The following FBXL17 variants were observed in gnomAD, a reference collection of about 807,000 sequenced individuals.
FBXL17 encodes F-box and leucine rich repeat protein 17, also known as F-box/LRR-repeat protein 17.
FBXL17 carries 22 observed loss-of-function variants against 66.2 expected under a neutral mutation model. The ratio of observed to expected loss-of-function variants is 0.33; its 90% CI spans 0.24 to 0.47. The LOEUF (loss-of-function observed/expected upper bound fraction) is 0.47. Ranked by LOEUF, FBXL17 falls within the 20% of genes least tolerant of loss-of-function variation. The pLI is 1.00. For synonymous variants in FBXL17, 474 were observed against 400.5 expected (o/e 1.18, Z -2.19); for missense variants, 878 against 948.2 (o/e 0.93, Z 0.97).
intron 4 of FBXL17, among the ~76,000 whole-genome samples, chr5:108,266,957 A>G (rs1446838467): frequency 6.6e-6 from 1 of 152,168 alleles, no homozygotes; most frequent in Admixed American, 6.5e-5. Flanking sequence ...ATTTTTAATT[A>G]GTTAGATTTA....
intron 6 of FBXL17, among the ~76,000 whole-genome samples, chr5:108,102,913 A>T (rs1329426649): frequency 6.6e-6 from 1 of 152,208 alleles, no homozygotes; most frequent in East Asian, 1.9e-4. Flanking sequence ...AATAACATTT[A>T]TTATTCTAAA....
chr5:108,146,180 C>T (rs1045161624), intron 6 of FBXL17, among the ~76,000 whole-genome samples: 1 of 150,912 alleles, frequency 6.6e-6, no homozygotes, highest in Non-Finnish European at 1.5e-5. Flanking sequence ...TGCAGTGAGC[C>T]GAGATGGCAC....
chr5:108,346,666 T>A (rs1317025193), intron 4 of FBXL17, among the ~76,000 whole-genome samples: 1 of 152,144 alleles, frequency 6.6e-6, no homozygotes, highest in East Asian at 1.9e-4. Context: ...CCATAAAAAC[T>A]ACTATGTTTT....
chr5:108,345,075 C>T (rs1477363850), intron 4 of FBXL17, among the ~76,000 whole-genome samples: 3 of 152,084 alleles, frequency 2.0e-5, no homozygotes, highest in South Asian at 4.1e-4. Context: ...TGGCTCACAC[C>T]TGTAATCCCA....
chr5:108,108,069 G>C (rs568273994), intron 6 of FBXL17, among the ~76,000 whole-genome samples: 45 of 152,118 alleles, frequency 3.0e-4, no homozygotes, highest in African/African-American at 1.1e-3. Context: ...CTGCTTCAAG[G>C]ACTTTGTACG....
At chr5:108,269,214 A>C (rs1757165868) in intron 4 of FBXL17, among the ~76,000 whole-genome samples, 1 of 152,082 alleles carries the variant, frequency 6.6e-6, no homozygotes, top group African/African-American at 2.4e-5. Flanking sequence ...GGAAGGTAAG[A>C]GTGATCTTCT....
At chr5:107,922,769 C>T (rs1750368041) in intron 7 of FBXL17, among the ~76,000 whole-genome samples, 1 of 152,186 alleles carries the variant, frequency 6.6e-6, no homozygotes, top group African/African-American at 2.4e-5. Flanking sequence ...AGAAACCTAA[C>T]TTTCAATCTC....
intron 7 of FBXL17, among the ~76,000 whole-genome samples, chr5:107,884,903 G>A (rs571279991): frequency 1.3e-5 from 2 of 152,116 alleles, no homozygotes; most frequent in Non-Finnish European, 2.9e-5. Context: ...CAGTTGTGTA[G>A]TTGCTATAAA....
chr5:108,342,165 A>G (rs1161633168), intron 4 of FBXL17, among the ~76,000 whole-genome samples: 1 of 152,188 alleles, frequency 6.6e-6, no homozygotes, highest in Non-Finnish European at 1.5e-5. Context: ...TTATCAGTTC[A>G]TGAATTCATT....
At chr5:108,134,182 T>C (rs552860458) in intron 6 of FBXL17, among the ~76,000 whole-genome samples, 12 of 152,228 alleles carry the variant, frequency 7.9e-5, no homozygotes, top group African/African-American at 2.6e-4. Flanking sequence ...AAGACCACAA[T>C]ATTCCACTAA....
chr5:108,298,489 A>C (rs1312814448), intron 4 of FBXL17: 4 of 976,068 alleles, frequency 4.1e-6, no homozygotes, highest in Non-Finnish European at 4.9e-6. Context: ...TAAAGCCCTA[A>C]GTTTTTCTTT....
At chr5:108,228,000 G>A (rs1755170062) in intron 4 of FBXL17, among the ~76,000 whole-genome samples, 1 of 152,154 alleles carries the variant, frequency 6.6e-6, no homozygotes, top group Non-Finnish European at 1.5e-5. Context: ...GAGAGGAGAA[G>A]AACTCAGATG....
At chr5:107,991,870 T>C (rs1184034930) in intron 7 of FBXL17, among the ~76,000 whole-genome samples, 2 of 152,198 alleles carry the variant, frequency 1.3e-5, no homozygotes, top group Non-Finnish European at 2.9e-5. Context: ...AGGAGTACCC[T>C]ACATAAAACC....
At chr5:108,095,972 T>C (rs1749352234) in intron 6 of FBXL17, among the ~76,000 whole-genome samples, 1 of 152,194 alleles carries the variant, frequency 6.6e-6, no homozygotes, top group Non-Finnish European at 1.5e-5. Context: ...AAGTTTAAAA[T>C]TCTAAGGAGC....
intron 6 of FBXL17, among the ~76,000 whole-genome samples, chr5:108,124,870 G>A (rs1269760660): frequency 6.6e-6 from 1 of 151,966 alleles, no homozygotes; most frequent in African/African-American, 2.4e-5. Context: ...TCTGCTTGCT[G>A]ACATAGTAAA....
chr5:108,258,772 G>A (rs1355586787), intron 4 of FBXL17, among the ~76,000 whole-genome samples: 3 of 140,712 alleles, frequency 2.1e-5, no homozygotes, highest in Non-Finnish European at 4.5e-5. Context: ...AAACACTCTA[G>A]GATCTTACAA....
chr5:108,036,979 A>G (rs1746866631), intron 6 of FBXL17, among the ~76,000 whole-genome samples: 1 of 152,200 alleles, frequency 6.6e-6, no homozygotes, highest in Non-Finnish European at 1.5e-5. Context: ...AAAGGGATAA[A>G]AAGCTTGTGG....
At chr5:108,138,786 A>G (rs1366220139) in intron 6 of FBXL17, among the ~76,000 whole-genome samples, 1 of 152,216 alleles carries the variant, frequency 6.6e-6, no homozygotes, top group Admixed American at 6.5e-5. Flanking sequence ...CCAAAATTGT[A>G]TAAAAAGAAC....
At chr5:108,243,770 A>G (rs922166838) in intron 4 of FBXL17, among the ~76,000 whole-genome samples, 1 of 152,200 alleles carries the variant, frequency 6.6e-6, no homozygotes, top group Non-Finnish European at 1.5e-5. Flanking sequence ...CATACAGATC[A>G]CTTACCAAAA....
Sources: allele counts gnomAD v4.1 joint callset (sites outside exome capture counted in the v4.1 genomes callset), GRCh38; gene constraint gnomAD v4.1.1; transcripts MANE v1.5; gene names NCBI Gene and HGNC (gene_info 2026-07-23, HGNC 2026-07-21).